The following RARB variants were observed in gnomAD, a reference collection of about 807,000 sequenced individuals.
RARB encodes the protein HBV-activated protein.
A neutral mutation model predicts 51.9 loss-of-function variants in RARB; 17 were observed. The ratio of observed to expected loss-of-function variants is 0.33; its 90% CI spans 0.22 to 0.49. The LOEUF is 0.49. Ranked by LOEUF, RARB falls within the 20% of genes least tolerant of loss-of-function variation. The pLI is 0.99. For synonymous variants in RARB, 215 were observed against 195.4 expected, an observed-to-expected ratio of 1.10 and a Z score of -0.84; for missense variants, 369 against 550.8, an observed-to-expected ratio of 0.67 and a Z score of 3.30.
intron 2 of RARB, among the ~76,000 whole-genome samples, chr3:25,045,585 AGTTG>A (rs1698199236): frequency 1.3e-5 from 2 of 152,162 alleles, no homozygotes; most frequent in African/African-American, 4.8e-5. Flanking sequence ...ACAGTGTGTG[AGTTG>A]GTTTGTGTAC....
intron 3 of RARB, among the ~76,000 whole-genome samples, chr3:25,119,692 C>A (rs1408270206): frequency 6.6e-6 from 1 of 151,634 alleles, no homozygotes; most frequent in Non-Finnish European, 1.5e-5. Context: ...AAACACTGCT[C>A]TTGTGTCAAT....
intron 5 of RARB, among the ~76,000 whole-genome samples, chr3:25,309,086 CT>C (rs1269640544): frequency 6.7e-6 from 1 of 149,350 alleles, no homozygotes; most frequent in East Asian, 2.0e-4. Flanking sequence ...TTCCCTTTCT[CT>C]TTTTTCCTGT....
chr3:25,255,059 C>A (rs1702827699), intron 5 of RARB, among the ~76,000 whole-genome samples: 1 of 152,114 alleles, frequency 6.6e-6, no homozygotes, highest in Admixed American at 6.6e-5. Flanking sequence ...CCAATATTGG[C>A]CAAACATCAG....
At chr3:24,979,046 A>G (rs1696581546) in intron 2 of RARB, among the ~76,000 whole-genome samples, 1 of 152,080 alleles carries the variant, frequency 6.6e-6, no homozygotes, top group Non-Finnish European at 1.5e-5. Flanking sequence ...TTCAGTTTCT[A>G]TGTAGTTGTG....
chr3:25,501,159 T>C (rs1228756527), intron 2 of RARB, 23 bp from the exon 3 acceptor site: 12 of 1,563,640 alleles, frequency 7.7e-6, no homozygotes, highest in Non-Finnish European at 1.0e-5. Flanking sequence ...ACTGAGTTTT[T>C]TCATCTTCTT....
At chr3:25,190,084 G>A (rs1303351769) in intron 5 of RARB, among the ~76,000 whole-genome samples, 6 of 152,048 alleles carry the variant, frequency 3.9e-5, no homozygotes, top group Non-Finnish European at 8.8e-5. Context: ...TATCGATTGT[G>A]ATGCATAGGG....
chr3:24,923,043 C>T (rs1695250909), intron 2 of RARB, among the ~76,000 whole-genome samples: 1 of 152,074 alleles, frequency 6.6e-6, no homozygotes, highest in South Asian at 2.1e-4. Flanking sequence ...TGATGACTTG[C>T]AGCAGGTTAC....
In RARB at chr3:25,109,261, T is replaced by A. The variant is rs73047727; in HGVS notation, c.-327-22900T>A. ...CATTGAGTGTAGATATGATTGAAGATGTTAATTGACTTAACCTTTGCATTT... is the reference window on the plus strand; with the variant it reads ...CATTGAGTGTAGATATGATTGAAGAAGTTAATTGACTTAACCTTTGCATTT... On this transcript the variant is annotated intron_variant, in intron 3 of 11. Transcript: ENST00000383772. Among the ~76,000 whole-genome samples, 1,204 of 152,134 alleles carry A rather than the reference T, an allele frequency of 7.9e-3. 4 individuals carry two copies. Among genetic ancestry groups the A allele is most frequent in the Middle Eastern group, 0.024 (7 of 294 alleles).
At chr3:25,246,451 C>T (rs968718661) in intron 5 of RARB, among the ~76,000 whole-genome samples, 4 of 152,102 alleles carry the variant, frequency 2.6e-5, no homozygotes, top group Admixed American at 2.6e-4. Flanking sequence ...TCCTCACCTT[C>T]TTGGATTTAC....
intron 1 of RARB, among the ~76,000 whole-genome samples, chr3:25,459,839 G>C (rs547067432): frequency 1.3e-5 from 2 of 152,308 alleles, no homozygotes; most frequent in East Asian, 3.9e-4. Flanking sequence ...TTGGAGACTA[G>C]AAGATTCTGG....
chr3:24,831,406 C>G (rs1391605924), intron 1 of RARB, among the ~76,000 whole-genome samples: 1 of 152,100 alleles, frequency 6.6e-6, no homozygotes, highest in East Asian at 1.9e-4. Context: ...CATTTGCAGA[C>G]AAAAGCACAT....
chr3:25,075,514 A>G (rs1013800967), intron 3 of RARB, among the ~76,000 whole-genome samples: 3 of 152,160 alleles, frequency 2.0e-5, no homozygotes, highest in African/African-American at 7.2e-5. Flanking sequence ...ATTAAAGTAG[A>G]TAGGGAAAAT....
At position 25,275,551 on chromosome 3, in the gene RARB, C is replaced by G. The variant is rs191618075; in HGVS notation, c.178+100976C>G. ...CTACCCCTTTGTACTGTTAGCCATA[C>G]GGCAACCCTTTGATAATATGTATCA... On this transcript the variant is annotated intron_variant, in intron 5 of 11. Transcript: ENST00000383772. Among the ~76,000 whole-genome samples, 41 of 152,332 alleles carry G rather than the reference C, an allele frequency of 2.7e-4. No homozygotes were observed. In the Middle Eastern group the frequency reaches 0.014, roughly 51 times the overall value.
At chr3:24,860,685 T>C (rs1355409438) in intron 2 of RARB, among the ~76,000 whole-genome samples, 1 of 152,184 alleles carries the variant, frequency 6.6e-6, no homozygotes, top group African/African-American at 2.4e-5. Flanking sequence ...TTCTAAATCA[T>C]TGCAAGCTTT....
intron 5 of RARB, among the ~76,000 whole-genome samples, chr3:25,273,860 C>G (rs1703312058): frequency 6.6e-6 from 1 of 152,198 alleles, no homozygotes; most frequent in Non-Finnish European, 1.5e-5. Context: ...TAGCAACATC[C>G]TTTTCAGGCA....
chr3:25,278,311 A>C (rs1026049476), intron 5 of RARB, among the ~76,000 whole-genome samples: 1 of 152,190 alleles, frequency 6.6e-6, no homozygotes, highest in Admixed American at 6.5e-5. Flanking sequence ...AACTTTTGTG[A>C]GCTTTAAATA....
chr3:25,282,479 A>T (rs183192882), intron 5 of RARB, among the ~76,000 whole-genome samples: 8 of 144,206 alleles, frequency 5.5e-5, no homozygotes, highest in Admixed American at 5.4e-4. Context: ...TTTTCATAGC[A>T]CTTTTTATGA....
At chr3:25,183,958 A>G (rs938589155) in intron 5 of RARB, among the ~76,000 whole-genome samples, 1 of 152,122 alleles carries the variant, frequency 6.6e-6, no homozygotes, top group Non-Finnish European at 1.5e-5. Context: ...TCTTATGGCC[A>G]AAAGCCTATG....
chr3:24,984,951 C>T (rs1696755509), intron 2 of RARB, among the ~76,000 whole-genome samples: 1 of 152,194 alleles, frequency 6.6e-6, no homozygotes, highest in South Asian at 2.1e-4. Flanking sequence ...GGGAAAGTCA[C>T]TTCTCCCTCC....
Sources: gnomAD v4.1 joint callset for allele counts (sites outside exome capture counted in the v4.1 genomes callset) on GRCh38, gnomAD v4.1.1 for gene constraint, MANE v1.5 for transcripts, NCBI Gene and HGNC (gene_info 2026-07-23, HGNC 2026-07-21) for gene names.